MAGI2: variants seen among roughly 807,000 people sequenced by gnomAD.
MAGI2 encodes the protein membrane associated guanylate kinase, WW and PDZ domain containing 2, also known as membrane-associated guanylate kinase, WW and PDZ domain-containing protein 2.
MAGI2 carries 35 observed loss-of-function variants against 133.3 expected under a neutral mutation model. That is an observed-to-expected ratio of 0.26 (90% confidence interval 0.20 to 0.35). MAGI2 has a LOEUF of 0.35. MAGI2 is among the 10% of genes least tolerant of loss of function. The probability of loss-of-function intolerance (pLI) is 1.00; values close to 1 mark genes in which losing one functional copy is unlikely to be tolerated. For synonymous variants in MAGI2, 729 were observed against 710.6 expected (o/e 1.03, Z -0.41); for missense variants, 1,636 against 1,863.4 (o/e 0.88, Z 2.25).
chr7:78,835,464 T>C (rs1004094373), intron 2 of MAGI2, among the ~76,000 whole-genome samples: 1 of 152,160 alleles, frequency 6.6e-6, no homozygotes, highest in Non-Finnish European at 1.5e-5. Flanking sequence ...TCCAAGACCT[T>C]GAATCAAAAG....
intron 9 of MAGI2, among the ~76,000 whole-genome samples, chr7:78,293,537 A>G (rs1282654994): frequency 3.3e-5 from 5 of 152,204 alleles, no homozygotes; most frequent in African/African-American, 1.2e-4. Flanking sequence ...CGATTCCTCA[A>G]GGATCTAGAC....
chr7:79,085,447 G>A (rs1816404673), intron 1 of MAGI2, among the ~76,000 whole-genome samples: 1 of 151,616 alleles, frequency 6.6e-6, no homozygotes, highest in South Asian at 2.1e-4. Flanking sequence ...ATAACAGCTG[G>A]TTTAAAGCTG....
intron 1 of MAGI2, among the ~76,000 whole-genome samples, chr7:79,400,001 G>T (rs1845357026): frequency 6.6e-6 from 1 of 152,196 alleles, no homozygotes; most frequent in Non-Finnish European, 1.5e-5. Flanking sequence ...GAAAATATAT[G>T]TGAGTGCAGC....
intron 1 of MAGI2, among the ~76,000 whole-genome samples, chr7:79,148,326 T>C (rs1718851937): frequency 6.6e-6 from 1 of 152,148 alleles, no homozygotes; most frequent in South Asian, 2.1e-4. Context: ...TCATTGAATC[T>C]GTGTCTTGAG....
At chr7:79,388,242 CTTA>C in intron 1 of MAGI2, among the ~76,000 whole-genome samples, 1 of 151,898 alleles carries the variant, frequency 6.6e-6, no homozygotes, top group East Asian at 1.9e-4. Flanking sequence ...ATCTCTGACC[CTTA>C]TTGTTGATAA....
intron 2 of MAGI2, among the ~76,000 whole-genome samples, chr7:78,645,349 TAAAAG>T (rs899725355): frequency 9.2e-5 from 14 of 151,920 alleles, no homozygotes; most frequent in East Asian, 3.9e-4. Flanking sequence ...AGACAAACAT[TAAAAG>T]AAAAGAAAAT....
chr7:79,204,920 C>T (rs1308928578), intron 1 of MAGI2, among the ~76,000 whole-genome samples: 1 of 151,544 alleles, frequency 6.6e-6, no homozygotes, highest in Non-Finnish European at 1.5e-5. Context: ...TGAAAATATA[C>T]AGTAGAGGAG....
At chr7:79,434,050 C>CA (rs1167009282) in intron 1 of MAGI2, among the ~76,000 whole-genome samples, 2 of 151,540 alleles carry the variant, frequency 1.3e-5, no homozygotes, top group Non-Finnish European at 2.9e-5. Flanking sequence ...CCTTAGTTCT[C>CA]AAATAGAACA....
intron 1 of MAGI2, among the ~76,000 whole-genome samples, chr7:79,184,030 A>C (rs1826850490): frequency 6.6e-6 from 1 of 151,708 alleles, no homozygotes; most frequent in African/African-American, 2.4e-5. Context: ...AACAATACAG[A>C]GTTCCAGTTA....
At chr7:79,089,162 T>A (rs913551083) in intron 1 of MAGI2, among the ~76,000 whole-genome samples, 1 of 152,032 alleles carries the variant, frequency 6.6e-6, no homozygotes, top group Admixed American at 6.6e-5. Context: ...CAGACACTTC[T>A]CAGAAGACGA....
rs563453837 is a variant in MAGI2 at position 78,894,059 on chromosome 7, C to T, written c.418+113031G>A. Among the ~76,000 whole-genome samples, 15 of 152,236 alleles carry T rather than the reference C, an allele frequency of 9.9e-5. 1 individual carries two copies. In the South Asian group the frequency reaches 3.1e-3, roughly 32 times the overall value. On this transcript the variant is annotated intron_variant, in intron 2 of 21. Transcript: ENST00000354212. ...ATGCACTACCTTCAGTTTTCAATGACATTTTCAACAAGTTGTAGGAAAAGA... is the reference window on the plus strand; with the variant it reads ...ATGCACTACCTTCAGTTTTCAATGATATTTTCAACAAGTTGTAGGAAAAGA...
chr7:78,567,751 A>G (rs1227088516), intron 3 of MAGI2, among the ~76,000 whole-genome samples: 3 of 152,134 alleles, frequency 2.0e-5, no homozygotes, highest in Non-Finnish European at 4.4e-5. Context: ...ATCTCCAATC[A>G]TTAAAACAAA....
chr7:79,128,395 G>A (rs1820622953), intron 1 of MAGI2, among the ~76,000 whole-genome samples: 1 of 152,054 alleles, frequency 6.6e-6, no homozygotes, highest in Non-Finnish European at 1.5e-5. Context: ...AAGATATACT[G>A]CTTCAACTCA....
intron 1 of MAGI2, among the ~76,000 whole-genome samples, chr7:79,329,356 ATTTGT>A (rs1839909457): frequency 1.3e-5 from 2 of 152,238 alleles, no homozygotes; most frequent in African/African-American, 4.8e-5. Flanking sequence ...ACACGTAATA[ATTTGT>A]TTTATTGCCT....
At chr7:78,566,545 A>AC (rs890879744) in intron 3 of MAGI2, among the ~76,000 whole-genome samples, 3 of 151,754 alleles carry the variant, frequency 2.0e-5, no homozygotes, top group South Asian at 4.2e-4. Context: ...AAAAAAAAAA[A>AC]AAAAACAGAG....
chr7:78,038,710 G>T (rs1329162264), intron 21 of MAGI2, among the ~76,000 whole-genome samples: 1 of 152,218 alleles, frequency 6.6e-6, no homozygotes, highest in African/African-American at 2.4e-5. Context: ...ACTGTGGGAG[G>T]CAGGTGAACT....
intron 1 of MAGI2, among the ~76,000 whole-genome samples, chr7:79,323,776 G>A (rs1839380463): frequency 6.6e-6 from 1 of 152,162 alleles, no homozygotes; most frequent in South Asian, 2.1e-4. Context: ...GGTGAGAAAT[G>A]ATGAATGACC....
At chr7:78,440,938 T>C (rs748890060) in intron 6 of MAGI2, among the ~76,000 whole-genome samples, 10 of 151,878 alleles carry the variant, frequency 6.6e-5, no homozygotes, top group Non-Finnish European at 1.3e-4. Context: ...GGCAACAGAG[T>C]GAGACTCCAT....
chr7:78,985,240 T>C (rs1805151841), intron 2 of MAGI2, among the ~76,000 whole-genome samples: 1 of 152,086 alleles, frequency 6.6e-6, no homozygotes, highest in Non-Finnish European at 1.5e-5. Flanking sequence ...TCAATCATTA[T>C]TCAAAATTAC....
Sources: gnomAD v4.1 joint callset for allele counts (sites outside exome capture counted in the v4.1 genomes callset) on GRCh38, gnomAD v4.1.1 for gene constraint, MANE v1.5 for transcripts, NCBI Gene and HGNC (gene_info 2026-07-23, HGNC 2026-07-21) for gene names.